The following PIBF1 variants were observed in gnomAD, a reference collection of about 807,000 sequenced individuals.
PIBF1 encodes the protein progesterone-induced-blocking factor 1.
A neutral mutation model predicts 112.5 loss-of-function variants in PIBF1; 90 were observed. The observed-to-expected ratio is 0.80, with a 90% CI of 0.67 to 0.95. The LOEUF is 0.95. Among genes scored for constraint, PIBF1 ranks in the 40% least tolerant of loss-of-function variants. The probability of loss-of-function intolerance (pLI) is 0.00; values close to 1 mark genes in which losing one functional copy is unlikely to be tolerated. For missense variants in PIBF1, 915 were observed against 852.3 expected (o/e 1.07, Z -0.92); for synonymous variants, 301 against 288.6 (o/e 1.04, Z -0.44).
At chr13:72,859,480 A>G (rs913530095) in intron 10 of PIBF1, among the ~76,000 whole-genome samples, 4 of 152,204 alleles carry the variant, frequency 2.6e-5, no homozygotes, top group South Asian at 2.1e-4. Context: ...AATATCCTGC[A>G]GTACTATATT....
At chr13:72,835,776 G>A (rs996024442) in intron 9 of PIBF1, among the ~76,000 whole-genome samples, 2 of 152,232 alleles carry the variant, frequency 1.3e-5, no homozygotes, top group East Asian at 3.9e-4. Context: ...TGCTGGCTCC[G>A]AAAGATGTCG....
intron 17 of PIBF1, among the ~76,000 whole-genome samples, chr13:73,000,440 T>C (rs1445517578): frequency 6.6e-6 from 1 of 152,234 alleles, no homozygotes; most frequent in Admixed American, 6.5e-5. Flanking sequence ...ACAGAATGGC[T>C]GCCCTTAATG....
In PIBF1 at chr13:72,931,277, T is replaced by G. The variant is rs766697584; in HGVS notation, c.1833+10T>G. 4 of 1,460,428 alleles carry G rather than the reference T, an allele frequency of 2.7e-6. No homozygotes were observed. The South Asian group carries it at 3.5e-5, about 13-fold the overall frequency. 90.5% of individuals were successfully genotyped at this position (1,460,428 alleles called of 1,614,324 possible). On this transcript the variant is annotated intron_variant, in intron 14 of 17. Transcript: ENST00000326291. ...ACAGCTTTCACAAGAGGTAAATAAC[T>G]TAAAGAAACCCATATGAAGAATCAC...
chr13:72,868,746 G>C (rs909147968), intron 10 of PIBF1, among the ~76,000 whole-genome samples: 3 of 151,112 alleles, frequency 2.0e-5, no homozygotes, highest in Admixed American at 2.0e-4. Flanking sequence ...CACTTTGGGA[G>C]GCCATGGTGG....
intron 10 of PIBF1, among the ~76,000 whole-genome samples, chr13:72,888,391 A>G (rs534929522): frequency 6.6e-6 from 1 of 152,312 alleles, no homozygotes; most frequent in African/African-American, 2.4e-5. Context: ...TGGAGAAACC[A>G]TATTTCATAC....
chr13:73,005,819 G>A (rs561884098), intron 17 of PIBF1, among the ~76,000 whole-genome samples: 118 of 152,052 alleles, frequency 7.8e-4, no homozygotes, highest in African/African-American at 2.7e-3. Flanking sequence ...TAGATTGAAG[G>A]GACTCCAGCC....
Position 72,795,494 on chromosome 13 carries a change from A to G in PIBF1, c.489A>G (p.Glu163=). 1 of 1,609,074 alleles carries G rather than the reference A, an allele frequency of 6.2e-7. No homozygotes were observed. Among genetic ancestry groups the G allele is most frequent in the Non-Finnish European group, 8.5e-7 (1 of 1,178,130 alleles). The stretch of plus-strand genomic sequence containing the variant: ...ACCTGCGTGACTTTGAGTTGACAGA[A>G]GAGCAATATATTAAATTAAAAGCTT... ...RRNLRDFELT[E]EQYIKLKAFP... Residue 163 remains glutamate, a synonymous_variant, in exon 4 of 18, where the codon GAA becomes GAG. Coordinates refer to ENST00000326291, the MANE Select transcript of PIBF1 (RefSeq NM_006346.4).
chr13:72,859,614 G>A (rs914100604), intron 10 of PIBF1, among the ~76,000 whole-genome samples: 1 of 152,118 alleles, frequency 6.6e-6, no homozygotes, highest in African/African-American at 2.4e-5. Context: ...TCAGGCAGAA[G>A]TAATTAACTG....
Position 72,998,840 on chromosome 13 carries a change from CAG to C in PIBF1, c.2070_2071del (p.Gln690HisfsTer4). ...TCAACAGGAATTGGCAGCAATGAAACAGATTCTCGTTAAGATGCATAGTAAAC... is the reference window on the plus strand; with the variant it reads ...TCAACAGGAATTGGCAGCAATGAAACATTCTCGTTAAGATGCATAGTAAAC... ...NHREELAAMKQILVKMHSKHS... is the reference protein window; with the variant it reads ...NHREELAAMKXILVKMHSKHS... On this transcript the variant is annotated frameshift_variant, in exon 17 of 18. Coordinates refer to ENST00000326291, the MANE Select transcript of PIBF1 (RefSeq NM_006346.4). LOFTEE classifies it high-confidence loss of function. The C allele has an allele frequency of 1.2e-6, 2 of 1,611,510 alleles. No homozygotes were observed. The highest frequency in any genetic ancestry group is 1.7e-6 in the Non-Finnish European group (2 of 1,178,884).
chr13:72,871,769 C>T (rs976575791), intron 10 of PIBF1, among the ~76,000 whole-genome samples: 5 of 152,168 alleles, frequency 3.3e-5, no homozygotes, highest in Non-Finnish European at 5.9e-5. Context: ...CAGAGTTCTA[C>T]GCAAGAACTC....
intron 11 of PIBF1, among the ~76,000 whole-genome samples, chr13:72,901,700 A>G (rs1244379306): frequency 6.6e-6 from 1 of 151,700 alleles, no homozygotes; most frequent in African/African-American, 2.4e-5. Context: ...AAAAAAAAAA[A>G]CCAACCAGTA....
intron 11 of PIBF1, among the ~76,000 whole-genome samples, chr13:72,905,470 G>A (rs999204936): frequency 1.5e-4 from 23 of 152,032 alleles, no homozygotes; most frequent in African/African-American, 5.6e-4. Context: ...TAATTAAAGG[G>A]CCTCAGAAAA....
At chr13:72,909,149 T>C (rs987103987) in intron 12 of PIBF1, among the ~76,000 whole-genome samples, 3 of 152,212 alleles carry the variant, frequency 2.0e-5, no homozygotes, top group African/African-American at 7.2e-5. Context: ...TATTTGTTCA[T>C]CTTCATCTTA....
At chr13:72,915,840 A>G (rs115222015) in intron 12 of PIBF1, among the ~76,000 whole-genome samples, 2,648 of 152,326 alleles carry the variant, frequency 0.017, 70 homozygotes, top group African/African-American at 0.057. Flanking sequence ...AGAAGGGCCA[A>G]TCAACAAATG....
intron 15 of PIBF1, among the ~76,000 whole-genome samples, chr13:72,968,454 C>T (rs2042805943): frequency 1.3e-5 from 2 of 151,558 alleles, no homozygotes; most frequent in African/African-American, 2.4e-5. Flanking sequence ...GCACCCACCA[C>T]CACAGCCGGC....
At chr13:72,923,279 G>A (rs766255164) in intron 13 of PIBF1, among the ~76,000 whole-genome samples, 1 of 152,194 alleles carries the variant, frequency 6.6e-6, no homozygotes, top group Non-Finnish European at 1.5e-5. Flanking sequence ...GAAATTGTAT[G>A]TAGTAATCAG....
intron 14 of PIBF1, among the ~76,000 whole-genome samples, chr13:72,935,750 G>A (rs2041853932): frequency 6.6e-6 from 1 of 152,072 alleles, no homozygotes; most frequent in Non-Finnish European, 1.5e-5. Context: ...TGGCATATTA[G>A]TGTGGTTTTA....
At chr13:72,815,378 A>G (rs944507850) in intron 5 of PIBF1, among the ~76,000 whole-genome samples, 3 of 152,218 alleles carry the variant, frequency 2.0e-5, no homozygotes, top group Middle Eastern at 3.2e-3. Context: ...CGCTTTCTTC[A>G]TATGAGTTTG....
intron 12 of PIBF1, among the ~76,000 whole-genome samples, chr13:72,908,996 G>A (rs2040804590): frequency 6.6e-6 from 1 of 151,204 alleles, no homozygotes; most frequent in Non-Finnish European, 1.5e-5. Flanking sequence ...GCGTTGAGCC[G>A]AAATCATGCC....
Sources: gnomAD v4.1 joint callset for allele counts (sites outside exome capture counted in the v4.1 genomes callset) on GRCh38, gnomAD v4.1.1 for gene constraint, MANE v1.5 for transcripts, NCBI Gene and HGNC (gene_info 2026-07-23, HGNC 2026-07-21) for gene names.